Variants in SGCZ observed in about 807,000 individuals in gnomAD.
SGCZ encodes sarcoglycan zeta, also known as zeta-sarcoglycan.
Under a neutral mutation model 41.3 loss-of-function variants are expected in SGCZ, and 40 were observed. The ratio of observed to expected loss-of-function variants is 0.97; its 90% CI spans 0.75 to 1.26. The LOEUF (loss-of-function observed/expected upper bound fraction) is 1.26, where lower values mean the gene tolerates loss of function less well. SGCZ is among the 50% of genes most tolerant of loss of function. The pLI, the probability that SGCZ is intolerant of heterozygous loss-of-function variation, is 0.00. For missense variants in SGCZ, 552 were observed against 369.8 expected, an observed-to-expected ratio of 1.49 and a Z score of -4.04; for synonymous variants, 206 against 137.5, an observed-to-expected ratio of 1.50 and a Z score of -3.49.
chr8:15,082,207 C>A (rs1045491029), intron 1 of SGCZ, among the ~76,000 whole-genome samples: 17 of 151,642 alleles, frequency 1.1e-4, no homozygotes, highest in African/African-American at 4.1e-4. Flanking sequence ...CCAGCCTGGG[C>A]AACATAGCGA....
chr8:15,117,944 T>A (rs1158399754), intron 1 of SGCZ, among the ~76,000 whole-genome samples: 1 of 152,220 alleles, frequency 6.6e-6, no homozygotes, highest in East Asian at 1.9e-4. Context: ...TACTTTCTCC[T>A]GAGAGAAACA....
chr8:14,404,825 G>C (rs185608439), intron 2 of SGCZ, among the ~76,000 whole-genome samples: 3 of 152,140 alleles, frequency 2.0e-5, no homozygotes, highest in Admixed American at 6.5e-5. Context: ...CAAAGCCCAC[G>C]CGTTTCCAGT....
intron 2 of SGCZ, among the ~76,000 whole-genome samples, chr8:14,453,918 A>G (rs561310842): frequency 6.6e-6 from 1 of 152,230 alleles, no homozygotes; most frequent in Non-Finnish European, 1.5e-5. Flanking sequence ...CTGAGTGTCA[A>G]AATGATTTAA....
chr8:15,174,957 A>C (rs2117072857), intron 1 of SGCZ, among the ~76,000 whole-genome samples: 1 of 152,178 alleles, frequency 6.6e-6, no homozygotes, highest in African/African-American at 2.4e-5. Flanking sequence ...AAATACCTAA[A>C]ATCAGGGAAG....
chr8:14,194,080 A>ACC (rs1805191082), intron 4 of SGCZ, among the ~76,000 whole-genome samples: 1 of 151,864 alleles, frequency 6.6e-6, no homozygotes, highest in Admixed American at 6.6e-5. Context: ...GAAATAAAGA[A>ACC]ACATTCTGTG....
intron 1 of SGCZ, among the ~76,000 whole-genome samples, chr8:15,218,853 A>G (rs1801500760): frequency 6.6e-6 from 1 of 152,172 alleles, no homozygotes; most frequent in African/African-American, 2.4e-5. Flanking sequence ...TCATTTTACC[A>G]TTTGAGGGAA....
At chr8:14,951,882 G>C (rs1800652455) in intron 1 of SGCZ, among the ~76,000 whole-genome samples, 1 of 151,882 alleles carries the variant, frequency 6.6e-6, no homozygotes, top group Admixed American at 6.6e-5. Context: ...GTCCTAAAAA[G>C]GTAACTATTT....
chr8:14,464,042 T>C (rs1800977718), intron 2 of SGCZ, among the ~76,000 whole-genome samples: 1 of 151,734 alleles, frequency 6.6e-6, no homozygotes, highest in Non-Finnish European at 1.5e-5. Context: ...TGTGGAGCTT[T>C]GTATCAATGT....
chr8:15,091,332 G>C (rs1806147921), intron 1 of SGCZ, among the ~76,000 whole-genome samples: 1 of 152,114 alleles, frequency 6.6e-6, no homozygotes. Flanking sequence ...ACAAACTTTT[G>C]ACTAAGATAA....
At chr8:14,545,721 C>A (rs1008706848) in intron 2 of SGCZ, among the ~76,000 whole-genome samples, 1 of 151,972 alleles carries the variant, frequency 6.6e-6, no homozygotes, top group African/African-American at 2.4e-5. Context: ...AACTAAAGTT[C>A]CCCACCCCCT....
At chr8:14,337,167 A>T (rs1339047442) in intron 2 of SGCZ, among the ~76,000 whole-genome samples, 1 of 152,118 alleles carries the variant, frequency 6.6e-6, no homozygotes, top group Non-Finnish European at 1.5e-5. Flanking sequence ...TCCCCAGCTG[A>T]TTGATGGAAG....
chr8:14,956,094 C>T (rs1800784018), intron 1 of SGCZ, among the ~76,000 whole-genome samples: 1 of 137,314 alleles, frequency 7.3e-6, no homozygotes, highest in Non-Finnish European at 1.5e-5. Flanking sequence ...GGCTGGAGGG[C>T]AATGGCGCGA....
At chr8:14,640,880 T>C (rs1053522194) in intron 1 of SGCZ, among the ~76,000 whole-genome samples, 1 of 151,666 alleles carries the variant, frequency 6.6e-6, no homozygotes, top group African/African-American at 2.4e-5. Flanking sequence ...GCTTCAGCCA[T>C]CTGCAGCATA....
At chr8:14,907,356 A>T (rs1799151894) in intron 1 of SGCZ, among the ~76,000 whole-genome samples, 1 of 152,008 alleles carries the variant, frequency 6.6e-6, no homozygotes, top group African/African-American at 2.4e-5. Flanking sequence ...CTATGCCTGG[A>T]TAATTTTTAT....
chr8:14,400,730 G>T (rs1484841000), intron 2 of SGCZ, among the ~76,000 whole-genome samples: 1 of 151,172 alleles, frequency 6.6e-6, no homozygotes, highest in Non-Finnish European at 1.5e-5. Context: ...GTTTTTAAAA[G>T]TGCAAAGCTA....
intron 5 of SGCZ, among the ~76,000 whole-genome samples, chr8:14,132,142 T>C (rs1046537731): frequency 1.3e-5 from 2 of 152,156 alleles, no homozygotes; most frequent in African/African-American, 4.8e-5. Context: ...CCTTATTCCT[T>C]TTTTTCATTT....
intron 1 of SGCZ, among the ~76,000 whole-genome samples, chr8:15,077,358 A>C (rs962659929): frequency 6.6e-6 from 1 of 152,250 alleles, no homozygotes; most frequent in African/African-American, 2.4e-5. Context: ...CTGTTATTGC[A>C]GTAATTTGGA....
chr8:14,103,140 A>G (rs1198902777), intron 6 of SGCZ, among the ~76,000 whole-genome samples: 1 of 152,020 alleles, frequency 6.6e-6, no homozygotes, highest in Admixed American at 6.5e-5. Context: ...AGAAAAATCA[A>G]TAGGAGGGTA....
chr8:14,816,729 AG>A (rs1801912931), intron 1 of SGCZ, among the ~76,000 whole-genome samples: 1 of 152,224 alleles, frequency 6.6e-6, no homozygotes, highest in Non-Finnish European at 1.5e-5. Flanking sequence ...TACTGATAAA[AG>A]AATTGTAAGC....
Sources: gnomAD v4.1 joint callset for allele counts (sites outside exome capture counted in the v4.1 genomes callset) on GRCh38, gnomAD v4.1.1 for gene constraint, MANE v1.5 for transcripts, NCBI Gene and HGNC (gene_info 2026-07-23, HGNC 2026-07-21) for gene names.